Variants in TYW1B observed in about 807,000 individuals in gnomAD.
The protein encoded by TYW1B is tRNA-yW synthesizing protein 1 homolog B, also known as S-adenosyl-L-methionine-dependent tRNA 4-demethylwyosine synthase TYW1B.
Under a neutral mutation model 86.9 loss-of-function variants are expected in TYW1B, and 73 were observed. The observed-to-expected ratio is 0.84, with a 90% CI of 0.70 to 1.02. TYW1B has a LOEUF of 1.02. TYW1B is among the 50% of genes least tolerant of loss of function. The probability of loss-of-function intolerance (pLI) is 0.00; values close to 1 mark genes in which losing one functional copy is unlikely to be tolerated. For missense variants in TYW1B, 637 were observed against 827.4 expected (o/e 0.77, Z 2.82); for synonymous variants, 248 against 292.8 (o/e 0.85, Z 1.56).
chr7:72,757,049 G>A (rs539293538), intron 7 of TYW1B, among the ~76,000 whole-genome samples: 44 of 152,032 alleles, frequency 2.9e-4, no homozygotes, highest in Admixed American at 2.0e-3. Context: ...GAATAAAAAC[G>A]TATCTCCATG....
At chr7:72,696,473 T>C (rs1554451512) in intron 10 of TYW1B, among the ~76,000 whole-genome samples, 1 of 152,230 alleles carries the variant, frequency 6.6e-6, no homozygotes, top group African/African-American at 2.4e-5. Flanking sequence ...TTTTAAAAAA[T>C]GAAAATATCA....
chr7:72,589,567 T>C (rs1408282237), intron 13 of TYW1B, among the ~76,000 whole-genome samples: 1 of 152,158 alleles, frequency 6.6e-6, no homozygotes, highest in Non-Finnish European at 1.5e-5. Flanking sequence ...GAAAGTGGTA[T>C]GTATGAGGAC....
At chr7:72,599,240 T>C (rs1171426197) in intron 13 of TYW1B, among the ~76,000 whole-genome samples, 1 of 151,990 alleles carries the variant, frequency 6.6e-6, no homozygotes, top group Non-Finnish European at 1.5e-5. Context: ...CATTCAAAAA[T>C]CAATTAATGT....
At chr7:72,783,258 C>T (rs567540894) in intron 6 of TYW1B, among the ~76,000 whole-genome samples, 1 of 151,480 alleles carries the variant, frequency 6.6e-6, no homozygotes, top group Admixed American at 6.6e-5. Context: ...ATTAGCCGGG[C>T]GTGGTGGCAT....
At chr7:72,777,733 T>C (rs549459475) in intron 6 of TYW1B, among the ~76,000 whole-genome samples, 200 bp from the exon 7 acceptor site, 3 of 152,114 alleles carry the variant, frequency 2.0e-5, no homozygotes, top group African/African-American at 7.2e-5. Context: ...CCGGCCAACA[T>C]GGCGAAACCT....
At chr7:72,650,641 G>A (rs1300792820) in intron 11 of TYW1B, among the ~76,000 whole-genome samples, 1 of 152,046 alleles carries the variant, frequency 6.6e-6, no homozygotes, top group Non-Finnish European at 1.5e-5. Flanking sequence ...AAATAAAGCT[G>A]GTTAAAACAT....
At chr7:72,749,903 G>A (rs1378132987) in intron 7 of TYW1B, among the ~76,000 whole-genome samples, 1 of 74,980 alleles carries the variant, frequency 1.3e-5, no homozygotes, top group African/African-American at 4.5e-5. Flanking sequence ...TTCTATGTTG[G>A]TTTTTTTTGT....
intron 11 of TYW1B, among the ~76,000 whole-genome samples, chr7:72,634,397 C>G (rs1812619079): frequency 1.4e-5 from 2 of 147,118 alleles, no homozygotes; most frequent in African/African-American, 2.6e-5. Flanking sequence ...CTTTGTTGCC[C>G]AGGCTGGTCT....
At position 72,575,213 on chromosome 7, in the gene TYW1B, T is replaced by C. The variant is rs1810992774; in HGVS notation, c.*285A>G. 8.1e-7 allele frequency: 1 copy of C among 1,229,812 alleles called. No individual in the cohort carries two copies. The highest frequency in any genetic ancestry group is 3.9e-5 in the East Asian group (1 of 25,784). 76.2% of individuals were successfully genotyped at this position (1,229,812 alleles called of 1,614,324 possible). ...TCTTAGAAGTTATAATACAAAACCA[T>C]CAGTTAAATTCTAATCACGACTGTG... On this transcript the variant is annotated 3_prime_UTR_variant, in exon 14 of 14. Coordinates refer to ENST00000620995, the MANE Select transcript of TYW1B (RefSeq NM_001145440.3).
At chr7:72,769,397 A>G (rs139479536) in intron 7 of TYW1B, among the ~76,000 whole-genome samples, 15 of 152,316 alleles carry the variant, frequency 9.8e-5, no homozygotes, top group African/African-American at 1.9e-4. Flanking sequence ...AGAGTAAGAG[A>G]CTGATTAATT....
chr7:72,659,980 T>C (rs1409501035), intron 11 of TYW1B, among the ~76,000 whole-genome samples: 3 of 152,104 alleles, frequency 2.0e-5, no homozygotes, highest in Non-Finnish European at 4.4e-5. Context: ...CATGTGAACA[T>C]AGTAAATATT....
At chr7:72,721,374 G>A (rs1786898852) in intron 9 of TYW1B, among the ~76,000 whole-genome samples, 1 of 152,134 alleles carries the variant, frequency 6.6e-6, no homozygotes, top group African/African-American at 2.4e-5. Context: ...CGGTGTAAAA[G>A]TGTTCCTATT....
At chr7:72,615,360 G>GT (rs1277586849) in intron 13 of TYW1B, among the ~76,000 whole-genome samples, 1 of 152,236 alleles carries the variant, frequency 6.6e-6, no homozygotes, top group Non-Finnish European at 1.5e-5. Flanking sequence ...AGAGAAGGCT[G>GT]TGATTCCAGT....
chr7:72,731,393 CA>C (rs59262388), intron 8 of TYW1B, among the ~76,000 whole-genome samples: 154 of 33,042 alleles, frequency 4.7e-3, no homozygotes, highest in African/African-American at 0.015. Flanking sequence ...TACCAAACTG[CA>C]AAAAAAAAAA....
rs1217743311 is a variant in TYW1B, at chr7:72,700,465, G to A, written c.1371-5643C>T. On this transcript the variant is annotated intron_variant, in intron 10 of 13. Transcript: ENST00000620995. ...TGGGATTACGGGTGTAAGCCACCAC[G>A]CCTGGACCTTTCTTTGATTTTCTAA... Among the ~76,000 whole-genome samples, 12 of 152,154 alleles carry A rather than the reference G, an allele frequency of 7.9e-5. No homozygotes were observed. The East Asian group carries it at 2.3e-3, about 29-fold the overall frequency.
intron 11 of TYW1B, among the ~76,000 whole-genome samples, chr7:72,638,554 T>C (rs1327469790): frequency 2.6e-5 from 4 of 152,160 alleles, no homozygotes; most frequent in Admixed American, 6.5e-5. Context: ...GCTAACATCA[T>C]ACTTAATGGC....
At chr7:72,775,968 A>G (rs1246196792) in intron 7 of TYW1B, among the ~76,000 whole-genome samples, 3 of 152,182 alleles carry the variant, frequency 2.0e-5, no homozygotes, top group African/African-American at 7.2e-5. Context: ...AAAAAATAAT[A>G]ATAAAGTGTA....
intron 8 of TYW1B, among the ~76,000 whole-genome samples, chr7:72,731,725 C>T (rs1227685558): frequency 2.0e-5 from 3 of 152,066 alleles, no homozygotes; most frequent in African/African-American, 7.2e-5. Context: ...AGGGGGATCA[C>T]GAGGTCAGGA....
chr7:72,587,738 G>A (rs1163626706), intron 13 of TYW1B, among the ~76,000 whole-genome samples: 4 of 152,160 alleles, frequency 2.6e-5, no homozygotes, highest in African/African-American at 7.2e-5. Context: ...TCCTACAAAC[G>A]CCATCGGGTC....
Sources: gnomAD v4.1 joint callset for allele counts (sites outside exome capture counted in the v4.1 genomes callset) on GRCh38, gnomAD v4.1.1 for gene constraint, MANE v1.5 for transcripts, NCBI Gene and HGNC (gene_info 2026-07-23, HGNC 2026-07-21) for gene names.